The following CCSER1 variants were observed in gnomAD, a reference collection of about 807,000 sequenced individuals.
CCSER1 encodes coiled-coil serine rich protein 1, also known as serine-rich coiled-coil domain-containing protein 1.
CCSER1 carries 41 observed loss-of-function variants against 82.0 expected under a neutral mutation model. The observed-to-expected ratio is 0.50, with a 90% CI of 0.39 to 0.65. CCSER1 has a LOEUF of 0.65. CCSER1 is among the 30% of genes least tolerant of loss of function. The pLI is 0.00. For synonymous variants in CCSER1, 414 were observed against 383.9 expected, an observed-to-expected ratio of 1.08 and a Z score of -0.92; for missense variants, 1,119 against 1,064.2, an observed-to-expected ratio of 1.05 and a Z score of -0.72.
chr4:90,437,113 C>T (rs10010893), intron 4 of CCSER1, among the ~76,000 whole-genome samples: 1 of 151,992 alleles, frequency 6.6e-6, no homozygotes, highest in African/African-American at 2.4e-5. Context: ...GAGCCACCGC[C>T]CCCGGACGAG....
chr4:91,125,453 TTG>T (rs1727427819), intron 10 of CCSER1, among the ~76,000 whole-genome samples: 9 of 151,824 alleles, frequency 5.9e-5, no homozygotes, highest in Middle Eastern at 3.4e-3. Context: ...GCATTAAAAA[TTG>T]GCAGTATATG....
intron 10 of CCSER1, among the ~76,000 whole-genome samples, chr4:91,128,592 G>T (rs1343256404): frequency 1.3e-5 from 2 of 152,078 alleles, no homozygotes; most frequent in Non-Finnish European, 2.9e-5. Context: ...AATTATGATT[G>T]TTCCTAATCC....
intron 4 of CCSER1, among the ~76,000 whole-genome samples, chr4:90,432,960 C>A (rs569209005): frequency 2.8e-4 from 43 of 152,218 alleles, no homozygotes; most frequent in South Asian, 2.5e-3. Context: ...TTTTAAAGCT[C>A]AGTTCTTAGA....
At chr4:90,427,431 A>G (rs1460810703) in intron 4 of CCSER1, among the ~76,000 whole-genome samples, 2 of 151,024 alleles carry the variant, frequency 1.3e-5, no homozygotes, top group Non-Finnish European at 3.0e-5. Flanking sequence ...TTTTGTTTAT[A>G]TGTTTTTAAA....
intron 9 of CCSER1, among the ~76,000 whole-genome samples, chr4:90,931,906 A>G (rs1012109548): frequency 6.6e-6 from 1 of 152,220 alleles, no homozygotes; most frequent in African/African-American, 2.4e-5. Context: ...AGTCATTGAA[A>G]TGTTTACATT....
At chr4:91,463,284 G>T (rs1348480454) in intron 10 of CCSER1, among the ~76,000 whole-genome samples, 1 of 152,216 alleles carries the variant, frequency 6.6e-6, no homozygotes, top group African/African-American at 2.4e-5. Context: ...CAACAGACCT[G>T]CAGCTGAGGG....
At chr4:90,507,873 A>AACTCAGTGAGAGTTTG (rs1770931838) in intron 5 of CCSER1, among the ~76,000 whole-genome samples, 1 of 151,980 alleles carries the variant, frequency 6.6e-6, no homozygotes, top group Admixed American at 6.6e-5. Context: ...TTTTCTAACA[A>AACTCAGTGAGAGTTTG]ACATTTGACA....
chr4:91,389,563 G>C (rs901445248), intron 10 of CCSER1, among the ~76,000 whole-genome samples: 1 of 151,276 alleles, frequency 6.6e-6, no homozygotes, highest in African/African-American at 2.4e-5. Flanking sequence ...GGTTATTCTG[G>C]GTCTTTTGTT....
intron 7 of CCSER1, among the ~76,000 whole-genome samples, chr4:90,734,030 T>C (rs1482813496): frequency 2.0e-5 from 3 of 152,050 alleles, no homozygotes; most frequent in African/African-American, 7.2e-5. Context: ...TCCAAATTTA[T>C]AAATTTTAGG....
chr4:91,482,687 A>G (rs1285168417), intron 10 of CCSER1, among the ~76,000 whole-genome samples: 1 of 152,130 alleles, frequency 6.6e-6, no homozygotes, highest in African/African-American at 2.4e-5. Context: ...AAGACTTGCA[A>G]CCAACCCAAA....
chr4:91,359,327 C>A (rs1158224197), intron 10 of CCSER1, among the ~76,000 whole-genome samples: 1 of 151,756 alleles, frequency 6.6e-6, no homozygotes, highest in Non-Finnish European at 1.5e-5. Flanking sequence ...GGTTTCAGGC[C>A]TGGCGCCAGG....
intron 5 of CCSER1, among the ~76,000 whole-genome samples, chr4:90,608,158 G>T (rs528668763): frequency 9.2e-5 from 14 of 152,256 alleles, no homozygotes; most frequent in Admixed American, 3.3e-4. Flanking sequence ...TTAGATTAAG[G>T]TTTACACTTT....
In CCSER1 at chr4:90,145,759, G is replaced by A. The variant is rs544007920; in HGVS notation, c.-42+17928G>A. Among the ~76,000 whole-genome samples, 220 of 152,124 alleles carry A rather than the reference G, an allele frequency of 1.4e-3. 1 individual carries two copies. The highest frequency in any genetic ancestry group is 2.8e-3 in the Non-Finnish European group (191 of 67,932). ...TTTTATCATGTCTTCATTCTTTGGA[G>A]TTTTTAAAATCTGGAGCTAAAATTA... On this transcript the variant is annotated intron_variant, in intron 1 of 10. Coordinates refer to ENST00000509176, the MANE Select transcript of CCSER1 (RefSeq NM_001145065.2).
At chr4:91,480,600 T>C (rs933961461) in intron 10 of CCSER1, among the ~76,000 whole-genome samples, 2 of 152,206 alleles carry the variant, frequency 1.3e-5, no homozygotes, top group African/African-American at 4.8e-5. Flanking sequence ...GTTTCATGTT[T>C]ATGCACTTTG....
rs530986812 is a variant in CCSER1 at position 91,128,617 on chromosome 4, G to T, written c.2217+42623G>T. ...GTTCCTAATCCTAACGGCAAAATCA[G>T]AGAATATGGGTTGGCCAAAGAGCTC... On this transcript the variant is annotated intron_variant, in intron 10 of 10. Transcript: ENST00000509176. Among the ~76,000 whole-genome samples the T allele has an allele frequency of 3.3e-5, 5 of 152,198 alleles. No individual in the cohort carries two copies. The East Asian group carries it at 9.7e-4, about 29-fold the overall frequency.
intron 4 of CCSER1, among the ~76,000 whole-genome samples, chr4:90,456,232 A>C (rs1361457326): frequency 6.6e-6 from 1 of 152,206 alleles, no homozygotes; most frequent in East Asian, 1.9e-4. Flanking sequence ...AACAGGGGAA[A>C]GAAAACTCTC....
intron 4 of CCSER1, among the ~76,000 whole-genome samples, chr4:90,421,284 T>A (rs1381538414): frequency 6.6e-6 from 1 of 152,172 alleles, no homozygotes; most frequent in East Asian, 1.9e-4. Context: ...ATCTTATTAA[T>A]CACATTTTCT....
Position 91,479,691 on chromosome 4 carries a change from CT to C in CCSER1, c.2218-118871del, listed in dbSNP as rs986169082. On this transcript the variant is annotated intron_variant, in intron 10 of 10. Coordinates refer to ENST00000509176, the MANE Select transcript of CCSER1 (RefSeq NM_001145065.2). ...TTATGGAAAGCAGTTTATTCTTATT[CT>C]TTTTTTTTTCTTTTTTTTCTTTCTT... is the stretch of plus-strand genomic sequence containing the variant. 2.0e-3 allele frequency among the ~76,000 whole-genome samples: 253 copies of C among 128,970 alleles called. 1 individual carries two copies. The South Asian group carries it at 0.033, about 17-fold the overall frequency. The allele number at this position is 128,970 out of a possible 152,430, so 84.6% of individuals were successfully genotyped here.
At chr4:91,442,799 A>G (rs1447571516) in intron 10 of CCSER1, among the ~76,000 whole-genome samples, 1 of 151,356 alleles carries the variant, frequency 6.6e-6, no homozygotes, top group East Asian at 1.9e-4. Flanking sequence ...AACCCCATCA[A>G]AAAGTGGGCA....
Sources: gnomAD v4.1 joint callset for allele counts (sites outside exome capture counted in the v4.1 genomes callset) on GRCh38, gnomAD v4.1.1 for gene constraint, MANE v1.5 for transcripts, NCBI Gene and HGNC (gene_info 2026-07-23, HGNC 2026-07-21) for gene names.